Variants in SGMS1 observed in about 807,000 individuals in gnomAD.
SGMS1 encodes phosphatidylcholine:ceramide cholinephosphotransferase 1.
Under a neutral mutation model 46.2 loss-of-function variants are expected in SGMS1, and 13 were observed. The ratio of observed to expected loss-of-function variants is 0.28; its 90% CI spans 0.18 to 0.45. The LOEUF (loss-of-function observed/expected upper bound fraction) is 0.45. Ranked by LOEUF, SGMS1 falls within the 20% of genes least tolerant of loss-of-function variation. The pLI is 1.00. For synonymous variants in SGMS1, 203 were observed against 187.8 expected, an observed-to-expected ratio of 1.08 and a Z score of -0.66; for missense variants, 324 against 519.9, an observed-to-expected ratio of 0.62 and a Z score of 3.66.
chr10:50,618,550 T>C (rs760844728), intron 1 of SGMS1, among the ~76,000 whole-genome samples: 9 of 152,138 alleles, frequency 5.9e-5, no homozygotes, highest in Non-Finnish European at 8.8e-5. Flanking sequence ...TAAGAAATCA[T>C]ATAAGTTCAC....
At chr10:50,570,066 C>T (rs992010282) in intron 2 of SGMS1, among the ~76,000 whole-genome samples, 9 of 152,186 alleles carry the variant, frequency 5.9e-5, no homozygotes, top group Non-Finnish European at 1.2e-4. Context: ...TAACTGTGGA[C>T]CCTCCAAGGA....
intron 8 of SGMS1, 138 bp from the exon 9 acceptor site, chr10:50,311,553 G>C: frequency 5.5e-6 from 2 of 366,466 alleles, no homozygotes; most frequent in Non-Finnish European, 9.5e-6. Flanking sequence ...TGCCCACTCA[G>C]TGTTTACCAT....
At chr10:50,581,926 A>G (rs767221937) in intron 2 of SGMS1, among the ~76,000 whole-genome samples, 1 of 152,226 alleles carries the variant, frequency 6.6e-6, no homozygotes, top group Non-Finnish European at 1.5e-5. Flanking sequence ...GAAAAAGACA[A>G]AGCCATGATC....
intron 2 of SGMS1, among the ~76,000 whole-genome samples, chr10:50,574,985 A>ATATATATATATATATATATATATATATAT (rs58462802): frequency 1.5e-4 from 22 of 143,034 alleles, no homozygotes; most frequent in Non-Finnish European, 2.6e-4. Context: ...ATATATATAT[A>ATATATATATATATATATATATATATATAT]AAACAAAGTA....
Position 50,327,342 on chromosome 10 carries a change from G to T in SGMS1, c.624-20C>A. On this transcript the variant is annotated intron_variant, in intron 7 of 10. Transcript: ENST00000361781. The stretch of plus-strand genomic sequence containing the variant: ...ATAGACCTAGAAAAAGGGAAAAACA[G>T]GGCAGATTCTCAGTCAAGAAATTCT... 7.3e-7 allele frequency: 1 copy of T among 1,370,684 alleles called. No individual in the cohort carries two copies. Among genetic ancestry groups the T allele is most frequent in the South Asian group, 1.2e-5 (1 of 81,710 alleles). 84.9% of individuals were successfully genotyped at this position (1,370,684 alleles called of 1,614,324 possible). A position where few individuals can be genotyped will look rare whatever the true frequency, so the allele number is the denominator to read the frequency against.
At chr10:50,439,882 A>G (rs931466442) in intron 5 of SGMS1, among the ~76,000 whole-genome samples, 4 of 152,186 alleles carry the variant, frequency 2.6e-5, no homozygotes, top group Non-Finnish European at 5.9e-5. Flanking sequence ...ATATATCTCT[A>G]TTCCTAAATT....
intron 7 of SGMS1, among the ~76,000 whole-genome samples, chr10:50,331,568 AC>A (rs1847624248): frequency 6.6e-6 from 1 of 152,182 alleles, no homozygotes; most frequent in South Asian, 2.1e-4. Flanking sequence ...TTTGCTTATT[AC>A]CACCTCGTAT....
chr10:50,517,373 A>G (rs1252900867), intron 3 of SGMS1, among the ~76,000 whole-genome samples: 1 of 152,244 alleles, frequency 6.6e-6, no homozygotes, highest in African/African-American at 2.4e-5. Context: ...AAGATTTTAG[A>G]AATTTAAAAA....
chr10:50,494,854 G>A (rs1419080775), intron 3 of SGMS1, among the ~76,000 whole-genome samples: 2 of 151,664 alleles, frequency 1.3e-5, no homozygotes, highest in African/African-American at 4.8e-5. Context: ...GGCTAAAACG[G>A]TGAAACCCTG....
At chr10:50,334,175 T>C (rs1847674972) in intron 7 of SGMS1, among the ~76,000 whole-genome samples, 1 of 152,174 alleles carries the variant, frequency 6.6e-6, no homozygotes, top group Non-Finnish European at 1.5e-5. Flanking sequence ...AACAAAAACA[T>C]CAACACTATC....
At chr10:50,493,907 C>T (rs532349075) in intron 3 of SGMS1, among the ~76,000 whole-genome samples, 3 of 152,330 alleles carry the variant, frequency 2.0e-5, no homozygotes, top group African/African-American at 7.2e-5. Flanking sequence ...AAGTGATTCT[C>T]CTGCCTCAGC....
intron 6 of SGMS1, among the ~76,000 whole-genome samples, chr10:50,416,017 G>A (rs1414898921): frequency 6.6e-6 from 1 of 152,180 alleles, no homozygotes; most frequent in Non-Finnish European, 1.5e-5. Flanking sequence ...GCGGCCATGT[G>A]CATTAACGAG....
At chr10:50,623,159 A>G (rs1367687143) in intron 1 of SGMS1, among the ~76,000 whole-genome samples, 1 of 151,792 alleles carries the variant, frequency 6.6e-6, no homozygotes, top group East Asian at 2.0e-4. Context: ...GTCAGGGGGC[A>G]TCGAGGGGCT....
intron 3 of SGMS1, among the ~76,000 whole-genome samples, chr10:50,519,381 C>G (rs1837837701): frequency 6.6e-6 from 1 of 152,172 alleles, no homozygotes; most frequent in Non-Finnish European, 1.5e-5. Flanking sequence ...GAAGGCAGAC[C>G]TGGTAACCGT....
intron 6 of SGMS1, among the ~76,000 whole-genome samples, chr10:50,385,541 C>T (rs1848670245): frequency 6.6e-6 from 1 of 152,188 alleles, no homozygotes; most frequent in Non-Finnish European, 1.5e-5. Context: ...TAAAAGTACT[C>T]AGTACCTATG....
chr10:50,567,154 C>T (rs760106231), intron 2 of SGMS1, among the ~76,000 whole-genome samples: 1 of 152,176 alleles, frequency 6.6e-6, no homozygotes, highest in Non-Finnish European at 1.5e-5. Context: ...ACCATGTTGG[C>T]CAGGCTGGTC....
At chr10:50,413,154 T>G (rs1283800308) in intron 6 of SGMS1, among the ~76,000 whole-genome samples, 1 of 152,200 alleles carries the variant, frequency 6.6e-6, no homozygotes, top group Non-Finnish European at 1.5e-5. Context: ...CTACATAATT[T>G]ACATGTATAT....
intron 2 of SGMS1, among the ~76,000 whole-genome samples, chr10:50,578,417 T>C (rs1215190537): frequency 6.6e-6 from 1 of 152,208 alleles, no homozygotes; most frequent in Non-Finnish European, 1.5e-5. Context: ...CCTTGGAAAA[T>C]TCTTTCAGGA....
intron 4 of SGMS1, among the ~76,000 whole-genome samples, chr10:50,464,662 G>A (rs1400770484): frequency 1.3e-5 from 2 of 152,212 alleles, no homozygotes; most frequent in Non-Finnish European, 2.9e-5. Flanking sequence ...TTGAACTCCT[G>A]ACTTCAAGTG....
Sources: allele counts gnomAD v4.1 joint callset (sites outside exome capture counted in the v4.1 genomes callset), GRCh38; gene constraint gnomAD v4.1.1; transcripts MANE v1.5; gene names NCBI Gene and HGNC (gene_info 2026-07-23, HGNC 2026-07-21).